Variants in CD9 observed in about 807,000 individuals in gnomAD.
CD9 encodes CD9 molecule.
A neutral mutation model predicts 31.4 loss-of-function variants in CD9; 10 were observed. The observed-to-expected ratio is 0.32, with a 90% CI of 0.20 to 0.54. The LOEUF (loss-of-function observed/expected upper bound fraction) is 0.54, where lower values mean the gene tolerates loss of function less well. Among genes scored for constraint, CD9 ranks in the 20% least tolerant of loss-of-function variants. CD9 has a pLI of 0.94. For synonymous variants in CD9, 113 were observed against 114.1 expected, an observed-to-expected ratio of 0.99 and a Z score of 0.06; for missense variants, 259 against 300.1, an observed-to-expected ratio of 0.86 and a Z score of 1.01.
chr12:6,200,409 C>A lies in CD9; in HGVS notation c.-91C>A. ...CCGGAGACCAGCCTACAGCCGCCTG[C>A]ATCTGTATCCAGCGCCAGGTCCCGC... On this transcript the variant is annotated 5_prime_UTR_variant, in exon 1 of 8. Transcript: ENST00000009180. 2 of 818,336 alleles carry A rather than the reference C, an allele frequency of 2.4e-6. No individual in the cohort carries two copies. The highest frequency in any genetic ancestry group is 1.4e-5 in the South Asian group (1 of 72,170). The allele number at this position is 818,336 out of a possible 1,614,324, so 50.7% of individuals were successfully genotyped here.
chr12:6,224,550 A>C (rs1946337228), intron 1 of CD9, among the ~76,000 whole-genome samples: 1 of 152,152 alleles, frequency 6.6e-6, no homozygotes, highest in African/African-American at 2.4e-5. Flanking sequence ...GGAGCCGAGA[A>C]CCAAGGTCCC....
At chr12:6,209,310 G>A (rs532079064) in intron 1 of CD9, among the ~76,000 whole-genome samples, 113 of 152,300 alleles carry the variant, frequency 7.4e-4, no homozygotes, top group Non-Finnish European at 1.4e-3. Context: ...TCCACATCAT[G>A]TCTTCCCTTG....
intron 6 of CD9, 195 bp downstream of exon 6, chr12:6,235,760 C>T: frequency 7.1e-7 from 1 of 1,405,782 alleles, no homozygotes. Flanking sequence ...AAGGCCGGAC[C>T]AGGGGAATGA....
At chr12:6,203,101 C>T (rs1946094105) in intron 1 of CD9, among the ~76,000 whole-genome samples, 1 of 152,190 alleles carries the variant, frequency 6.6e-6, no homozygotes, top group South Asian at 2.1e-4. Context: ...CTTTCTTGTT[C>T]TAGTCCCATG....
chr12:6,212,278 T>C (rs1946201710), intron 1 of CD9, among the ~76,000 whole-genome samples: 1 of 152,178 alleles, frequency 6.6e-6, no homozygotes, highest in Non-Finnish European at 1.5e-5. Context: ...TCTTCATCTC[T>C]CACAGGGATG....
chr12:6,209,864 T>C (rs2136605356), intron 1 of CD9, among the ~76,000 whole-genome samples: 1 of 152,162 alleles, frequency 6.6e-6, no homozygotes, highest in Admixed American at 6.5e-5. Flanking sequence ...TTTGTGTTTT[T>C]AGTAGAGATG....
chr12:6,208,490 A>C (rs574043355), intron 1 of CD9, among the ~76,000 whole-genome samples: 22 of 152,346 alleles, frequency 1.4e-4, no homozygotes, highest in Admixed American at 1.1e-3. Context: ...CCATAAAGTT[A>C]ATCAGGCAGT....
chr12:6,223,354 C>T (rs144586362), intron 1 of CD9, among the ~76,000 whole-genome samples: 6,148 of 152,068 alleles, frequency 0.04, 333 homozygotes, highest in African/African-American at 0.12. Context: ...CTCCGCCTCC[C>T]GGGCTCACGC....
chr12:6,201,002 G>C (rs544992539), intron 1 of CD9: 2 of 155,314 alleles, frequency 1.3e-5, no homozygotes, highest in Admixed American at 6.5e-5. Flanking sequence ...GACCGGGTGG[G>C]GTCTCCCAGG....
At chr12:6,207,152 G>A (rs1165420930) in intron 1 of CD9, among the ~76,000 whole-genome samples, 1 of 152,174 alleles carries the variant, frequency 6.6e-6, no homozygotes, top group Non-Finnish European at 1.5e-5. Flanking sequence ...AAAGCACTGG[G>A]ATCATAAATG....
At chr12:6,219,786 C>T (rs1266359284) in intron 1 of CD9, among the ~76,000 whole-genome samples, 1 of 152,180 alleles carries the variant, frequency 6.6e-6, no homozygotes, top group Non-Finnish European at 1.5e-5. Flanking sequence ...CGCCTGGCCT[C>T]TTTGTGGTTT....
intron 1 of CD9, among the ~76,000 whole-genome samples, chr12:6,210,644 GA>G (rs1437738865): frequency 6.6e-5 from 10 of 152,138 alleles, no homozygotes; most frequent in Admixed American, 2.0e-4. Flanking sequence ...ACACCACTTT[GA>G]AATGGGATTA....
At chr12:6,211,365 A>T (rs1353161529) in intron 1 of CD9, among the ~76,000 whole-genome samples, 1 of 152,114 alleles carries the variant, frequency 6.6e-6, no homozygotes, top group Non-Finnish European at 1.5e-5. Context: ...GTTAGACAAG[A>T]GTTTGGGGAT....
intron 1 of CD9, chr12:6,206,066 T>C (rs1946127563): frequency 6.6e-6 from 1 of 150,422 alleles, no homozygotes; most frequent in Non-Finnish European, 1.5e-5. Flanking sequence ...ACTTCCTTGT[T>C]AAGAGTCTGA....
At chr12:6,201,284 A>G (rs1171484432) in intron 1 of CD9, among the ~76,000 whole-genome samples, 1 of 148,622 alleles carries the variant, frequency 6.7e-6, no homozygotes, top group Non-Finnish European at 1.5e-5. Context: ...AAGGACGATA[A>G]GTATCTTCAC....
chr12:6,215,816 A>T (rs1946237510), intron 1 of CD9, among the ~76,000 whole-genome samples: 1 of 152,220 alleles, frequency 6.6e-6, no homozygotes, highest in South Asian at 2.1e-4. Context: ...GCCATGAGCT[A>T]TTACAGTAGT....
intron 1 of CD9, among the ~76,000 whole-genome samples, chr12:6,207,766 G>A (rs1438205398): frequency 6.6e-6 from 1 of 152,172 alleles, no homozygotes; most frequent in African/African-American, 2.4e-5. Context: ...AGAGGGGCCC[G>A]GATTAATGTG....
chr12:6,235,304 A>G lies in CD9; in HGVS notation c.424A>G (p.Thr142Ala). 1 of 1,614,160 alleles carries G rather than the reference A, an allele frequency of 6.2e-7. No homozygotes were observed. Among genetic ancestry groups the G allele is most frequent in the African/African-American group, 1.3e-5 (1 of 75,074 alleles). ...AACCAAGGATGAGCCCCAGCGGGAA[A>G]CGCTGAAAGCCATCCACTATGCGGT... Reference protein sequence around the residue: ...LKTKDEPQRETLKAIHYALNC... With the variant: ...LKTKDEPQREALKAIHYALNC... Residue 142 changes from threonine (T) to alanine (A), a missense_variant, in exon 5 of 8, where the codon ACG (threonine) becomes GCG (alanine). Thr to Ala is a moderately conservative substitution (Grantham distance 58). Coordinates refer to ENST00000009180, the MANE Select transcript of CD9 (RefSeq NM_001769.4).
In CD9 at chr12:6,213,584, A is replaced by C. The variant is rs190055280; in HGVS notation, c.67-11842A>C. On this transcript the variant is annotated intron_variant, in intron 1 of 7. Coordinates refer to ENST00000009180, the MANE Select transcript of CD9 (RefSeq NM_001769.4). ...GGCCTCAATGCCTCTCCTTCAGTTC[A>C]CTCCTTGTGCCTTCCAAAAGGAAGT... Among the ~76,000 whole-genome samples the C allele has an allele frequency of 1.1e-3, 160 of 152,152 alleles. 1 individual carries two copies. Among genetic ancestry groups the C allele is most frequent in the Admixed American group, 3.3e-3 (51 of 15,276 alleles).
Sources: allele counts gnomAD v4.1 joint callset (sites outside exome capture counted in the v4.1 genomes callset), GRCh38; gene constraint gnomAD v4.1.1; transcripts MANE v1.5; gene names NCBI Gene and HGNC (gene_info 2026-07-23, HGNC 2026-07-21).